Variants in PAGE1 observed in about 807,000 individuals in gnomAD.
PAGE1 encodes the protein P antigen family member 1.
A neutral mutation model predicts 11.5 loss-of-function variants in PAGE1; 6 were observed. The ratio of observed to expected loss-of-function variants is 0.52; its 90% CI spans 0.29 to 1.03. PAGE1 has a LOEUF of 1.03. Among genes scored for constraint, PAGE1 ranks in the 50% least tolerant of loss-of-function variants. PAGE1 has a pLI of 0.09. For synonymous variants in PAGE1, 42 were observed against 40.2 expected, an observed-to-expected ratio of 1.05 and a Z score of -0.17; for missense variants, 120 against 110.2, an observed-to-expected ratio of 1.09 and a Z score of -0.40.
intron 5 of PAGE1, among the ~76,000 whole-genome samples, chrX:49,689,100 G>A (rs2066893895): frequency 9.0e-6 from 1 of 111,243 alleles, no homozygotes. Context: ...TGGCACTTTA[G>A]TAGGCTGAGG....
intron 2 of PAGE1, 86 bp downstream of exon 2, chrX:49,694,622 G>A (rs553110220): frequency 1.0e-4 from 57 of 565,157 alleles, no homozygotes; most frequent in Middle Eastern, 9.9e-4. Context: ...CTATACTAAT[G>A]CAACAACACT....
chrX:49,695,454 C>A (rs992774221), intron 1 of PAGE1, among the ~76,000 whole-genome samples: 1 of 111,711 alleles, frequency 9.0e-6, no homozygotes, highest in Non-Finnish European at 1.9e-5. Context: ...CAGCCCACAG[C>A]CTTCCCAGGT....
At chrX:49,694,814 T>C in intron 1 of PAGE1, 36 bp from the exon 2 acceptor site, 1 of 781,692 alleles carries the variant, frequency 1.3e-6, no homozygotes, top group Non-Finnish European at 1.9e-6. Context: ...AACATGCACT[T>C]GAGAGGACAG....
chrX:49,695,211 C>T (rs1458900535), intron 1 of PAGE1, among the ~76,000 whole-genome samples: 1 of 112,354 alleles, frequency 8.9e-6, no homozygotes, highest in African/African-American at 3.2e-5. Flanking sequence ...CAAGCGGACT[C>T]CACATGAAAA....
intron 5 of PAGE1, among the ~76,000 whole-genome samples, chrX:49,688,761 T>C (rs1435824911): frequency 1.8e-5 from 2 of 112,153 alleles, no homozygotes; most frequent in African/African-American, 6.5e-5. Context: ...GAGCTGGTAT[T>C]AGAACCTGCA....
intron 1 of PAGE1, among the ~76,000 whole-genome samples, chrX:49,695,095 C>T (rs1056691273): frequency 4.9e-4 from 55 of 112,959 alleles, no homozygotes; most frequent in African/African-American, 1.6e-3. Context: ...GCAGCCTCGA[C>T]CTCCCGCTCA....
At chrX:49,694,499 C>A (rs1176514125) in intron 2 of PAGE1, among the ~76,000 whole-genome samples, 1 of 110,290 alleles carries the variant, frequency 9.1e-6, no homozygotes, top group Non-Finnish European at 1.9e-5. Flanking sequence ...GAAGTCATGG[C>A]CAAAAGTTGG....
At chrX:49,692,185 A>G (rs1488365573) in intron 3 of PAGE1, among the ~76,000 whole-genome samples, 1 of 111,214 alleles carries the variant, frequency 9.0e-6, no homozygotes, top group Admixed American at 9.6e-5. Flanking sequence ...AATTATCTGG[A>G]TAACTGGCAA....
At chrX:49,687,736 G>A (rs956781067) in intron 5 of PAGE1, among the ~76,000 whole-genome samples, 173 bp from the exon 6 acceptor site, 2 of 112,554 alleles carry the variant, frequency 1.8e-5, no homozygotes, top group African/African-American at 6.4e-5. Flanking sequence ...AATTTTGAGG[G>A]TAGACCTGTA....
At chrX:49,689,350 A>G in intron 5 of PAGE1, 68 bp downstream of exon 5, 1 of 936,049 alleles carries the variant, frequency 1.1e-6, no homozygotes, top group Non-Finnish European at 1.4e-6. Context: ...CAAAAAAATA[A>G]TAATTATTAT....
intron 3 of PAGE1, among the ~76,000 whole-genome samples, chrX:49,693,297 T>C (rs1162233871): frequency 6.2e-5 from 7 of 112,080 alleles, no homozygotes; most frequent in African/African-American, 2.3e-4. Context: ...TGTCTCACGC[T>C]GAGAACAAAG....
At chrX:49,691,461 A>C in intron 3 of PAGE1, 87 bp from the exon 4 acceptor site, 1 of 776,207 alleles carries the variant, frequency 1.3e-6, no homozygotes. Context: ...GGTCTTATTA[A>C]ATAAAAGCTT....
intron 4 of PAGE1, among the ~76,000 whole-genome samples, chrX:49,690,271 A>G (rs897288920): frequency 2.9e-4 from 31 of 107,470 alleles, no homozygotes; most frequent in African/African-American, 9.8e-4. Context: ...AAGAATCCCA[A>G]GAACATGATT....
chrX:49,693,474 C>CT (rs1323432671), intron 3 of PAGE1, among the ~76,000 whole-genome samples: 113 of 111,040 alleles, frequency 1.0e-3, no homozygotes, highest in African/African-American at 2.7e-3. Context: ...AGGATAATTC[C>CT]TTTTTTTTGG....
At chrX:49,689,763 T>C (rs1234633258) in intron 4 of PAGE1, among the ~76,000 whole-genome samples, 5 of 63,785 alleles carry the variant, frequency 7.8e-5, no homozygotes, top group South Asian at 2.1e-3. Flanking sequence ...TATATATACA[T>C]ATATATGTGT....
chrX:49,695,784 C>T (rs1215258841), intron 1 of PAGE1, 85 bp downstream of exon 1: 1 of 112,201 alleles, frequency 8.9e-6, no homozygotes, highest in Non-Finnish European at 1.9e-5. Flanking sequence ...AAGCCACACA[C>T]CACCAGACCG....
chrX:49,689,772 GTGTA>G (rs1283580369), intron 4 of PAGE1, among the ~76,000 whole-genome samples: 5 of 59,881 alleles, frequency 8.3e-5, no homozygotes, highest in South Asian at 1.1e-3. Context: ...ATATATATGT[GTGTA>G]TATATACACA....
At chrX:49,692,849 A>G (rs1213879648) in intron 3 of PAGE1, among the ~76,000 whole-genome samples, 2 of 110,718 alleles carry the variant, frequency 1.8e-5, no homozygotes, top group Admixed American at 1.9e-4. Flanking sequence ...CTTGAACCCT[A>G]GGCTCAAGCG....
chrX:49,694,329 A>C (rs2066932881), intron 2 of PAGE1, 128 bp from the exon 3 acceptor site: 2 of 435,025 alleles, frequency 4.6e-6, no homozygotes, highest in Non-Finnish European at 8.0e-6. Flanking sequence ...AAACCTAAAA[A>C]TATTTCTCCA....
Sources: gnomAD v4.1 joint callset for allele counts (sites outside exome capture counted in the v4.1 genomes callset) on GRCh38, gnomAD v4.1.1 for gene constraint, MANE v1.5 for transcripts, NCBI Gene and HGNC (gene_info 2026-07-23, HGNC 2026-07-21) for gene names.